DGKG: variants seen among roughly 807,000 people sequenced by gnomAD.
DGKG encodes DAG kinase gamma.
A neutral mutation model predicts 105.3 loss-of-function variants in DGKG; 78 were observed. The ratio of observed to expected loss-of-function variants is 0.74; its 90% CI spans 0.62 to 0.89. DGKG has a LOEUF of 0.89. Ranked by LOEUF, DGKG falls within the 40% of genes least tolerant of loss-of-function variation. DGKG has a pLI of 0.00. For missense variants in DGKG, 958 were observed against 1,020.1 expected, an observed-to-expected ratio of 0.94 and a Z score of 0.83; for synonymous variants, 346 against 367.1, an observed-to-expected ratio of 0.94 and a Z score of 0.66.
At chr3:186,278,438 G>C (rs1462121480) in intron 9 of DGKG, among the ~76,000 whole-genome samples, 1 of 152,130 alleles carries the variant, frequency 6.6e-6, no homozygotes, top group Non-Finnish European at 1.5e-5. Flanking sequence ...GGCGTGATGT[G>C]AGCGAGTAAG....
rs563437573 is a variant in DGKG at position 186,147,323 on chromosome 3, A to G, written c.*2767T>C. ...TAAGGGATTAGGTTCTCCCCTGACT[A>G]ACCATGTGGCTTTGAGAAGTCACTA... On this transcript the variant is annotated 3_prime_UTR_variant, in exon 25 of 25. Transcript: ENST00000265022. 13 of 985,574 alleles carry G rather than the reference A, an allele frequency of 1.3e-5. No individual in the cohort carries two copies. The East Asian group carries it at 3.4e-4, about 26-fold the overall frequency. 61.1% of individuals were successfully genotyped at this position (985,574 alleles called of 1,614,324 possible).
At chr3:186,355,458 CATT>C (rs1169228283) in intron 1 of DGKG, among the ~76,000 whole-genome samples, 9 of 150,946 alleles carry the variant, frequency 6.0e-5, no homozygotes, top group African/African-American at 2.0e-4. Flanking sequence ...TCATCACCAC[CATT>C]ATCATAACCC....
intron 20 of DGKG, among the ~76,000 whole-genome samples, chr3:186,218,925 T>C (rs959333316): frequency 6.6e-6 from 1 of 152,188 alleles, no homozygotes; most frequent in East Asian, 1.9e-4. Flanking sequence ...TTGCTACCAC[T>C]ACTGAAGATA....
At chr3:186,273,827 C>A (rs570847391) in intron 10 of DGKG, among the ~76,000 whole-genome samples, 37 of 152,322 alleles carry the variant, frequency 2.4e-4, no homozygotes, top group African/African-American at 8.4e-4. Context: ...CAGCGGGCCT[C>A]CCTGCAGCAG....
At chr3:186,342,099 T>C (rs1320042438) in intron 1 of DGKG, among the ~76,000 whole-genome samples, 2 of 152,186 alleles carry the variant, frequency 1.3e-5, no homozygotes, top group Admixed American at 1.3e-4. Context: ...TGCACCAGCA[T>C]GGCACATGTA....
chr3:186,360,357 C>T (rs1382018655), intron 1 of DGKG, among the ~76,000 whole-genome samples: 2 of 152,104 alleles, frequency 1.3e-5, no homozygotes, highest in Non-Finnish European at 2.9e-5. Flanking sequence ...AGAAAAATAC[C>T]TGTAGTAATG....
chr3:186,232,977 A>G (rs976238501), intron 20 of DGKG, among the ~76,000 whole-genome samples: 4 of 152,142 alleles, frequency 2.6e-5, no homozygotes, highest in Non-Finnish European at 5.9e-5. Context: ...TCTGTAATAG[A>G]CACTTTAAAT....
At chr3:186,345,331 C>T (rs1726277057) in intron 1 of DGKG, among the ~76,000 whole-genome samples, 4 of 152,012 alleles carry the variant, frequency 2.6e-5, no homozygotes, top group Admixed American at 2.6e-4. Flanking sequence ...ATTTTTGATC[C>T]AATATGAAGA....
At chr3:186,276,143 T>A (rs1722578308) in intron 9 of DGKG, among the ~76,000 whole-genome samples, 1 of 152,178 alleles carries the variant, frequency 6.6e-6, no homozygotes, top group African/African-American at 2.4e-5. Flanking sequence ...CAGCATTATT[T>A]AAAATAATGA....
At position 186,297,590 on chromosome 3, in the gene DGKG, T is replaced by C. The variant is rs1723646773; in HGVS notation, c.311-107A>G. The C allele has an allele frequency of 3.8e-6, 3 of 786,920 alleles. No homozygotes were observed. The Admixed American group carries it at 6.0e-5, about 16-fold the overall frequency. 48.7% of individuals were successfully genotyped at this position (786,920 alleles called of 1,614,324 possible). On this transcript the variant is annotated intron_variant, in intron 4 of 24. Transcript: ENST00000265022. Reference sequence around the variant, plus strand: ...ACCTGGTTTGCCTTGATTGTGTCTGTGTCTCGGGGTTATGTGTCAGCTGGG... The same window carrying C: ...ACCTGGTTTGCCTTGATTGTGTCTGCGTCTCGGGGTTATGTGTCAGCTGGG...
intron 20 of DGKG, among the ~76,000 whole-genome samples, chr3:186,220,556 G>A (rs1372904420): frequency 2.0e-5 from 3 of 152,204 alleles, no homozygotes; most frequent in East Asian, 1.9e-4. Flanking sequence ...GCTAGTGACT[G>A]CAAAGCTGTG....
chr3:186,255,046 T>C (rs1169557587), intron 17 of DGKG, among the ~76,000 whole-genome samples: 1 of 152,250 alleles, frequency 6.6e-6, no homozygotes, highest in Non-Finnish European at 1.5e-5. Flanking sequence ...AGACCCTCCC[T>C]AGTTGCCCCA....
chr3:186,326,030 G>T (rs1445373172), intron 1 of DGKG, among the ~76,000 whole-genome samples: 3 of 152,118 alleles, frequency 2.0e-5, no homozygotes, highest in Non-Finnish European at 4.4e-5. Context: ...CCAAAGCTTG[G>T]GTACCACGTA....
At chr3:186,186,059 T>C (rs1045082715) in intron 22 of DGKG, among the ~76,000 whole-genome samples, 1 of 131,046 alleles carries the variant, frequency 7.6e-6, no homozygotes, top group Non-Finnish European at 1.5e-5. Flanking sequence ...CATGTGCCAC[T>C]GCACTCTAGC....
intron 21 of DGKG, among the ~76,000 whole-genome samples, chr3:186,200,226 CATGTGGAGGA>C: frequency 6.6e-6 from 1 of 152,198 alleles, no homozygotes; most frequent in South Asian, 2.1e-4. Flanking sequence ...GAAAGGCAGC[CATGTGGAGGA>C]GTGTGGAGGA....
chr3:186,158,965 T>G, intron 24 of DGKG: 1 of 365,888 alleles, frequency 2.7e-6, no homozygotes, highest in Non-Finnish European at 3.8e-6. Context: ...TTAATTTCTT[T>G]ATACCTGATA....
intron 20 of DGKG, among the ~76,000 whole-genome samples, chr3:186,212,992 C>G (rs1390931037): frequency 1.3e-5 from 2 of 152,178 alleles, no homozygotes; most frequent in Non-Finnish European, 2.9e-5. Flanking sequence ...TAGGTTGTAG[C>G]AGATGACTCT....
intron 22 of DGKG, among the ~76,000 whole-genome samples, chr3:186,184,961 C>T (rs1370522674): frequency 6.6e-6 from 1 of 152,208 alleles, no homozygotes; most frequent in Non-Finnish European, 1.5e-5. Context: ...AAAGAGTCCA[C>T]ATAGACCAAA....
In DGKG at chr3:186,242,448, C is replaced by G. The variant is rs1371935082; in HGVS notation, c.1826+56G>C. On this transcript the variant is annotated intron_variant, in intron 20 of 24. Transcript: ENST00000265022. ...TTTCCAGAGAGCAGGTGAAAGGCCT[C>G]TGTTCCGCCAGGGCCACACTGGGTG... 10 of 1,480,428 alleles carry G rather than the reference C, an allele frequency of 6.8e-6. No individual in the cohort carries two copies. The East Asian group carries it at 1.9e-4, about 28-fold the overall frequency. The allele number at this position is 1,480,428 out of a possible 1,614,324, so 91.7% of individuals were successfully genotyped here.
Sources: allele counts gnomAD v4.1 joint callset (sites outside exome capture counted in the v4.1 genomes callset), GRCh38; gene constraint gnomAD v4.1.1; transcripts MANE v1.5; gene names NCBI Gene and HGNC (gene_info 2026-07-23, HGNC 2026-07-21).